COL4A4: variants seen among roughly 807,000 people sequenced by gnomAD.
The protein encoded by COL4A4 is collagen type IV alpha 4 chain.
In COL4A4, 105 loss-of-function variants were observed where a neutral mutation model predicts 192.9. The ratio of observed to expected loss-of-function variants is 0.54; its 90% CI spans 0.46 to 0.64. The LOEUF is 0.64. Among genes scored for constraint, COL4A4 ranks in the 30% least tolerant of loss-of-function variants. The probability of loss-of-function intolerance (pLI) is 0.00; values close to 1 mark genes in which losing one functional copy is unlikely to be tolerated. For synonymous variants in COL4A4, 762 were observed against 769.9 expected, an observed-to-expected ratio of 0.99 and a Z score of 0.17; for missense variants, 1,967 against 2,169.3, an observed-to-expected ratio of 0.91 and a Z score of 1.85.
At chr2:227,046,398 G>A (rs1211875113) in intron 35 of COL4A4, among the ~76,000 whole-genome samples, 2 of 151,820 alleles carry the variant, frequency 1.3e-5, no homozygotes, top group South Asian at 2.1e-4. Flanking sequence ...ACACAAACCT[G>A]GTTTCTAACC....
chr2:226,998,499 A>G (rs1338066007), downstream of COL4A4: 5 of 152,176 alleles, frequency 3.3e-5, no homozygotes, highest in Non-Finnish European at 7.3e-5. Context: ...AAAGAATAGC[A>G]TTCAATTAGT....
intron 1 of COL4A4, among the ~76,000 whole-genome samples, chr2:227,162,654 G>T (rs1445729000): frequency 6.6e-6 from 1 of 152,124 alleles, no homozygotes; most frequent in East Asian, 1.9e-4. Flanking sequence ...ATTCTACTAA[G>T]AATATATCCT....
intron 4 of COL4A4, among the ~76,000 whole-genome samples, chr2:227,122,530 G>A (rs1022181065): frequency 3.3e-5 from 5 of 152,200 alleles, no homozygotes; most frequent in African/African-American, 1.2e-4. Context: ...GCAGGGCCCT[G>A]AGCAAAATAT....
the COL4A4 span, among the ~76,000 whole-genome samples, chr2:226,986,686 T>C: frequency 6.6e-6 from 1 of 152,174 alleles, no homozygotes; most frequent in Non-Finnish European, 1.5e-5. Flanking sequence ...AAACAACAGA[T>C]GCTGGAGAGG....
At chr2:227,119,996 T>G in intron 5 of COL4A4, 57 bp from the exon 6 acceptor site, 1 of 1,312,280 alleles carries the variant, frequency 7.6e-7, no homozygotes, top group Non-Finnish European at 1.0e-6. Flanking sequence ...ATAAGCTGAT[T>G]TACTTGAAAA....
At position 227,060,240 on chromosome 2, in the gene COL4A4, G is replaced by C. The variant is rs776718481; in HGVS notation, c.2060C>G (p.Pro687Arg). ...GPPGFDGPPG[P>R]KGFPGPQGAP... is the part of the protein sequence containing the mutation. ...ACCTTGGGGACCTGGAAATCCCTTC[G>C]GACCTAAACAATAATAAAAACAAAA... The change falls in exon 27 of 48, where the codon CCG (proline) becomes CGG (arginine). Residue 687 changes from proline to arginine, a missense_variant. Physicochemically the swap from Pro to Arg is moderately radical, Grantham distance 103 (BLOSUM62 -2). Transcript: ENST00000396625. 6.2e-7 allele frequency: 1 copy of C among 1,608,024 alleles called. No homozygotes were observed. The highest frequency in any genetic ancestry group is 1.1e-5 in the South Asian group (1 of 90,750).
intron 4 of COL4A4, among the ~76,000 whole-genome samples, chr2:227,129,398 G>A (rs1011830238): frequency 1.4e-5 from 2 of 147,818 alleles, no homozygotes; most frequent in African/African-American, 2.5e-5. Context: ...TTGGGGTGAT[G>A]TCTTCTAGTA....
At chr2:227,017,542 A>G (rs1432483981) in intron 44 of COL4A4, among the ~76,000 whole-genome samples, 1 of 152,222 alleles carries the variant, frequency 6.6e-6, no homozygotes, top group Non-Finnish European at 1.5e-5. Flanking sequence ...AACAAAATGG[A>G]AAACACTTTT....
chr2:227,023,503 CTTTCACATCATTAAGACATCT>C (rs140211590), intron 43 of COL4A4, among the ~76,000 whole-genome samples: 2,396 of 151,154 alleles, frequency 0.016, 57 homozygotes, highest in African/African-American at 0.055. Context: ...TTTTCTTTTA[CTTTCACATCATTAAGACATCT>C]TTTCTAAAGC....
At chr2:227,119,698 T>C (rs1216055613) in intron 6 of COL4A4, among the ~76,000 whole-genome samples, 197 bp downstream of exon 6, 1 of 148,790 alleles carries the variant, frequency 6.7e-6, no homozygotes, top group Non-Finnish European at 1.5e-5. Context: ...CTTTTATATA[T>C]GTAGATATAT....
At chr2:227,053,579 A>G (rs183268706) in intron 31 of COL4A4, among the ~76,000 whole-genome samples, 1,515 of 121,900 alleles carry the variant, frequency 0.012, 27 homozygotes, top group African/African-American at 0.048. Flanking sequence ...ACAGAATCTC[A>G]CTCTGTCACC....
In COL4A4 at chr2:227,012,165, G is replaced by A. The variant is rs756991722; in HGVS notation, c.4333+16C>T. The A allele has an allele frequency of 1.1e-5, 17 of 1,575,058 alleles. No individual in the cohort carries two copies. The South Asian group carries it at 1.2e-4, about 11-fold the overall frequency. ...GTTTACAGTGTCAGAGAAAAGAGGA[G>A]TGACTGAAACTCTACCTGGTCCTCC... On this transcript the variant is annotated intron_variant, in intron 45 of 47. Transcript: ENST00000396625.
At chr2:227,127,375 C>T (rs1236165368) in intron 4 of COL4A4, among the ~76,000 whole-genome samples, 1 of 152,200 alleles carries the variant, frequency 6.6e-6, no homozygotes, top group Non-Finnish European at 1.5e-5. Context: ...TTATTTGCGC[C>T]TCCCTAGAGC....
At chr2:227,114,900 A>AT (rs2061409227) in intron 7 of COL4A4, among the ~76,000 whole-genome samples, 2 of 152,180 alleles carry the variant, frequency 1.3e-5, no homozygotes, top group African/African-American at 4.8e-5. Context: ...AAGATCTGTT[A>AT]AGGAATCTTC....
Position 227,140,179 on chromosome 2 carries a change from A to G in COL4A4, c.174T>C (p.Val58=). ...CACTTACCCGAGACCCCTTTTCAGG[A>G]ACACAGTGGCAAACAGAGCAATCTC... is the stretch of plus-strand genomic sequence containing the variant. ...GGRDCSVCHC[V]PEKGSRGPPG... is the part of the protein sequence containing the mutation. Residue 58 remains valine (V), a synonymous_variant, in exon 4 of 48, where the codon GTT becomes GTC. Coordinates refer to ENST00000396625, the MANE Select transcript of COL4A4 (RefSeq NM_000092.5). 1 of 1,614,126 alleles carries G rather than the reference A, an allele frequency of 6.2e-7. No homozygotes were observed. The highest frequency in any genetic ancestry group is 8.5e-7 in the Non-Finnish European group (1 of 1,179,970).
chr2:227,109,833 G>GGTATTACCTATTTA (rs1419760886), intron 9 of COL4A4, among the ~76,000 whole-genome samples: 2 of 151,578 alleles, frequency 1.3e-5, no homozygotes, highest in East Asian at 1.9e-4. Context: ...TTAAGACCCA[G>GGTATTACCTATTTA]AGATCAATCT....
At chr2:227,160,780 A>T (rs2125559980) in intron 1 of COL4A4, among the ~76,000 whole-genome samples, 1 of 152,326 alleles carries the variant, frequency 6.6e-6, no homozygotes, top group Non-Finnish European at 1.5e-5. Context: ...TAGCTACCAT[A>T]ATCCACAGAT....
chr2:227,065,108 G>C (rs1044345431), intron 25 of COL4A4, among the ~76,000 whole-genome samples: 1 of 152,214 alleles, frequency 6.6e-6, no homozygotes, highest in Admixed American at 6.5e-5. Flanking sequence ...CCCTTTCCTA[G>C]TCAAAGAAAG....
chr2:227,138,607 T>C (rs1349349954), intron 4 of COL4A4, among the ~76,000 whole-genome samples: 2 of 149,662 alleles, frequency 1.3e-5, no homozygotes, highest in Non-Finnish European at 3.0e-5. Context: ...CACTCCAGCC[T>C]GGGTGACAGA....
Sources: allele counts gnomAD v4.1 joint callset (sites outside exome capture counted in the v4.1 genomes callset), GRCh38; gene constraint gnomAD v4.1.1; transcripts MANE v1.5; gene names NCBI Gene and HGNC (gene_info 2026-07-23, HGNC 2026-07-21).